The following MYH7B variants were observed in gnomAD, a reference collection of about 807,000 sequenced individuals.
The protein encoded by MYH7B is myosin heavy chain 7B.
MYH7B carries 205 observed loss-of-function variants against 234.5 expected under a neutral mutation model. The ratio of observed to expected loss-of-function variants is 0.87; its 90% CI spans 0.78 to 0.98. MYH7B has a LOEUF of 0.98. Ranked by LOEUF, MYH7B falls within the 50% of genes least tolerant of loss-of-function variation. The pLI is 0.00. For missense variants in MYH7B, 2,652 were observed against 2,633.4 expected (o/e 1.01, Z -0.15); for synonymous variants, 1,193 against 1,105.0 (o/e 1.08, Z -1.58).
intron 26 of MYH7B, 64 bp from the exon 27 acceptor site, chr20:34,994,082 T>TAGCA: frequency 6.3e-7 from 1 of 1,585,064 alleles, no homozygotes; most frequent in African/African-American, 1.3e-5. Context: ...TGAACTGTGC[T>TAGCA]GAGTGTCACC....
chr20:34,960,016 T>C (rs1230904172), intron 2 of MYH7B, among the ~76,000 whole-genome samples: 1 of 152,208 alleles, frequency 6.6e-6, no homozygotes, highest in Non-Finnish European at 1.5e-5. Context: ...TGTTCCCACA[T>C]ATGTACCTTG....
At chr20:34,999,010 T>C in intron 35 of MYH7B, 46 bp from the exon 36 acceptor site, 1 of 1,583,292 alleles carries the variant, frequency 6.3e-7, no homozygotes, top group Non-Finnish European at 8.6e-7. Flanking sequence ...CTGGGGCTGT[T>C]CTCCCTCCTT....
chr20:34,983,436 T>C (rs998368711), intron 10 of MYH7B, among the ~76,000 whole-genome samples: 1 of 152,042 alleles, frequency 6.6e-6, no homozygotes, highest in Non-Finnish European at 1.5e-5. Flanking sequence ...TCCTGCCCTG[T>C]CTTCCAAATC....
At chr20:34,979,935 G>T in intron 7 of MYH7B, 131 bp downstream of exon 7, 1 of 1,045,842 alleles carries the variant, frequency 9.6e-7, no homozygotes, top group Non-Finnish European at 1.4e-6. Flanking sequence ...GTGAATGATA[G>T]AGCGGGTCCA....
chr20:34,978,737 T>C (rs1457641209), intron 5 of MYH7B, among the ~76,000 whole-genome samples: 2 of 152,196 alleles, frequency 1.3e-5, no homozygotes, highest in South Asian at 2.1e-4. Flanking sequence ...AAAGTTTTAA[T>C]TGTTTTCAAC....
chr20:34,993,886 T>C (rs2425011), intron 26 of MYH7B, among the ~76,000 whole-genome samples: 89,884 of 152,116 alleles, frequency 0.59, 27,497 homozygotes, highest in Middle Eastern at 0.74. Flanking sequence ...GGCCGCTGAC[T>C]CCAGAGCCCC....
At chr20:34,994,019 A>G (rs2082205252) in intron 26 of MYH7B, 127 bp from the exon 27 acceptor site, 4 of 1,276,196 alleles carry the variant, frequency 3.1e-6, no homozygotes, top group Admixed American at 2.1e-5. Context: ...CCTCACCTAT[A>G]AAGCAGAGCT....
At chr20:34,997,990 CCTTT>C (rs1177409612) in intron 32 of MYH7B, among the ~76,000 whole-genome samples, 2 of 152,188 alleles carry the variant, frequency 1.3e-5, no homozygotes, top group Admixed American at 1.3e-4. Context: ...TAACCCCTGA[CCTTT>C]CTACCACATA....
chr20:34,979,880 G>A, intron 7 of MYH7B, 76 bp downstream of exon 7: 3 of 1,513,932 alleles, frequency 2.0e-6, no homozygotes, highest in Non-Finnish European at 1.8e-6. Flanking sequence ...TGCTGGGGGC[G>A]GGCCCATAGC....
At chr20:34,988,953 G>C (rs906690095) in intron 19 of MYH7B, among the ~76,000 whole-genome samples, 2 of 152,020 alleles carry the variant, frequency 1.3e-5, no homozygotes, top group Non-Finnish European at 1.5e-5. Flanking sequence ...GGGATTACAG[G>C]CATGCGCCAC....
chr20:34,991,617 A>T (rs1263356709), intron 24 of MYH7B, among the ~76,000 whole-genome samples: 1 of 152,134 alleles, frequency 6.6e-6, no homozygotes, highest in Non-Finnish European at 1.5e-5. Flanking sequence ...GGCAGAAAGG[A>T]TGCAGATTTG....
intron 44 of MYH7B, 23 bp from the exon 45 acceptor site, chr20:35,002,154 C>A (rs1203963670): frequency 6.3e-7 from 1 of 1,588,186 alleles, no homozygotes; most frequent in Non-Finnish European, 8.6e-7. Context: ...GTACTGCTCA[C>A]TCAGCTATCC....
chr20:34,983,304 T>TC (rs1768970570), intron 10 of MYH7B, among the ~76,000 whole-genome samples: 1 of 24,784 alleles, frequency 4.0e-5, no homozygotes, highest in African/African-American at 1.1e-4. Flanking sequence ...TTTTCTTTTT[T>TC]TTTTTTTTTT....
At chr20:34,998,102 T>C (rs1386533869) in intron 32 of MYH7B, among the ~76,000 whole-genome samples, 193 bp from the exon 33 acceptor site, 2 of 152,208 alleles carry the variant, frequency 1.3e-5, no homozygotes, top group East Asian at 1.9e-4. Flanking sequence ...GGCCCAGCCC[T>C]GTCAGTTCTG....
chr20:34,991,799 G>A (rs1320416975), intron 24 of MYH7B, among the ~76,000 whole-genome samples: 1 of 152,178 alleles, frequency 6.6e-6, no homozygotes. Flanking sequence ...GTAAACAGAG[G>A]TTCACACAGA....
exon 5 of MYH7B, chr20:34,978,006 A>G (rs377286674): frequency 1.2e-6 from 2 of 1,614,000 alleles, no homozygotes; most frequent in African/African-American, 1.3e-5. Flanking sequence ...TGCCACTGCC[A>G]TGATGGATGT....
chr20:34,962,996 G>A (rs1424110696), intron 2 of MYH7B, among the ~76,000 whole-genome samples: 1 of 152,256 alleles, frequency 6.6e-6, no homozygotes, highest in African/African-American at 2.4e-5. Context: ...TATTCAGGGA[G>A]GCTGAGGCAG....
rs748642653 is a variant in MYH7B at position 35,000,918 on chromosome 20, G to A, written c.5304+25G>A. On this transcript the variant is annotated intron_variant, in intron 40 of 44. Transcript: ENST00000262873. ...TGTGAGGCTGGGCAAGGGCTGTGGGGAGCCTGGGACAGAATTGCAGAGGGA... is the reference window on the plus strand; with the variant it reads ...TGTGAGGCTGGGCAAGGGCTGTGGGAAGCCTGGGACAGAATTGCAGAGGGA... 4 of 1,557,362 alleles carry A rather than the reference G, an allele frequency of 2.6e-6. No individual in the cohort carries two copies. The Admixed American group carries it at 7.2e-5, about 28-fold the overall frequency.
In MYH7B at chr20:34,980,740, G is replaced by C. The variant is rs768273339; in HGVS notation, c.499+6G>C. On this transcript the variant is annotated splice_donor_region_variant and intron_variant, in intron 8 of 44. Coordinates refer to ENST00000262873, the Ensembl canonical transcript of MYH7B. The stretch of plus-strand genomic sequence containing the variant: ...CTACAACGACATGCTGCGCAGTAAG[G>C]GCCGCCTGGACTCCTCCCCAACCGC... The C allele has an allele frequency of 4.3e-6, 7 of 1,612,082 alleles. No individual in the cohort carries two copies. Among genetic ancestry groups the C allele is most frequent in the Non-Finnish European group, 5.9e-6 (7 of 1,178,456 alleles).
Sources: allele counts gnomAD v4.1 joint callset (sites outside exome capture counted in the v4.1 genomes callset), GRCh38; gene constraint gnomAD v4.1.1; transcripts MANE v1.5; gene names NCBI Gene and HGNC (gene_info 2026-07-23, HGNC 2026-07-21).